KAT8: variants seen among roughly 807,000 people sequenced by gnomAD.
KAT8 encodes histone acetyltransferase KAT8.
In KAT8, 40 loss-of-function variants were observed where a neutral mutation model predicts 62.9. The observed-to-expected ratio is 0.64, with a 90% confidence interval of 0.49 to 0.83. The LOEUF is 0.83. Ranked by LOEUF, KAT8 falls within the 40% of genes least tolerant of loss-of-function variation. KAT8 has a pLI of 0.00. For missense variants in KAT8, 387 were observed against 614.8 expected (o/e 0.63, Z 3.92); for synonymous variants, 278 against 254.5 (o/e 1.09, Z -0.88).
rs758863838 is a variant in KAT8, at chr16:31,127,136, C to T, written c.516+48C>T. 21 of 1,613,770 alleles carry T rather than the reference C, an allele frequency of 1.3e-5. No individual in the cohort carries two copies. The Admixed American group carries it at 2.0e-4, about 15-fold the overall frequency. ...CTGCAGGTCCCCCGTCTCCCCTTGC[C>T]GAGGAGCCCCTGCTGAGCCGTGCAC... On this transcript the variant is annotated intron_variant, in intron 4 of 10. Transcript: ENST00000219797.
At chr16:31,124,098 G>A (rs1419725485) in intron 3 of KAT8, 2 of 152,230 alleles carry the variant, frequency 1.3e-5, no homozygotes, top group Admixed American at 1.3e-4. Flanking sequence ...TGCATTTGCA[G>A]AAGAGTACTG....
Position 31,123,703 on chromosome 16 carries a change from G to C in KAT8, c.462+3189G>C, listed in dbSNP as rs554415660. On this transcript the variant is annotated intron_variant, in intron 3 of 10. Transcript: ENST00000219797. ...TATTTTTTATTTTTAGTAGAGATGG[G>C]GTTTCGCCATGTTGGCCAGACTGGT... 6.6e-5 allele frequency: 10 copies of C among 151,530 alleles called. No homozygotes were observed. In the East Asian group the frequency reaches 1.6e-3, roughly 24 times the overall value. 9.4% of individuals were successfully genotyped at this position (151,530 alleles called of 1,614,324 possible).
intron 6 of KAT8, among the ~76,000 whole-genome samples, chr16:31,129,201 G>A (rs574730681): frequency 3.3e-5 from 5 of 152,294 alleles, no homozygotes; most frequent in South Asian, 4.1e-4. Context: ...TAATAAACAC[G>A]GGCCTTGTTA....
Position 31,124,731 on chromosome 16 carries a change from C to CAAAA in KAT8, c.463-2287_463-2284dup, listed in dbSNP as rs551229166. Among the ~76,000 whole-genome samples the CAAAA allele has an allele frequency of 4.9e-4, 30 of 61,070 alleles. No homozygotes were observed. In the East Asian group the frequency reaches 7.6e-3, roughly 15 times the overall value. The allele number at this position is 61,070 out of a possible 152,430, so 40.1% of individuals were successfully genotyped here. On this transcript the variant is annotated intron_variant, in intron 3 of 10. Coordinates refer to ENST00000219797, the MANE Select transcript of KAT8 (RefSeq NM_032188.3). ...TGGGCGACAGGGCGAGGCTCCATTT[C>CAAAA]AAAAAAAAAAAAAAAAAAAAGGCTA... is the stretch of plus-strand genomic sequence containing the variant.
At position 31,117,783 on chromosome 16, in the gene KAT8, C is replaced by T; in HGVS notation, c.102C>T (p.Thr34=). The change falls in exon 1 of 11, where the codon ACC becomes ACT. Residue 34 remains threonine (T), a synonymous_variant. Coordinates refer to ENST00000219797, the MANE Select transcript of KAT8 (RefSeq NM_032188.3). ...GPGENAAAEG[T]APSPGRVSPP... is the part of the protein sequence containing the mutation. ...GGGAGAATGCGGCCGCTGAGGGGAC[C>T]GCCCCATCCCCGGGCCGCGTCTCTC... 1 of 1,398,284 alleles carries T rather than the reference C, an allele frequency of 7.2e-7. No homozygotes were observed. Among genetic ancestry groups the T allele is most frequent in the Non-Finnish European group, 9.4e-7 (1 of 1,065,116 alleles). The allele number at this position is 1,398,284 out of a possible 1,614,324, so 86.6% of individuals were successfully genotyped here. A position where few individuals can be genotyped will look rare whatever the true frequency, so the allele number is the denominator to read the frequency against.
At chr16:31,129,261 C>G (rs1417707591) in intron 6 of KAT8, among the ~76,000 whole-genome samples, 1 of 152,182 alleles carries the variant, frequency 6.6e-6, no homozygotes, top group Non-Finnish European at 1.5e-5. Context: ...GGAGAATACG[C>G]AGGCTGAGCC....
At chr16:31,127,942 G>A (rs937080219) in intron 5 of KAT8, 108 bp from the exon 6 acceptor site, 3 of 775,110 alleles carry the variant, frequency 3.9e-6, no homozygotes, top group Middle Eastern at 2.3e-4. Flanking sequence ...AAGTGTTGAG[G>A]GGGGAAACAG....
Position 31,128,217 on chromosome 16 carries a change from G to T in KAT8, c.771+78G>T, listed in dbSNP as rs989024881. On this transcript the variant is annotated intron_variant, in intron 6 of 10. Coordinates refer to ENST00000219797, the MANE Select transcript of KAT8 (RefSeq NM_032188.3). ...CAGATGATCCTCATCACCACCAAAG[G>T]GGAGGGGGCAGCCTTAGCTGAGCCT... The T allele has an allele frequency of 2.6e-6, 3 of 1,140,198 alleles. No homozygotes were observed. In the African/African-American group the frequency reaches 4.6e-5, roughly 17 times the overall value. 70.6% of individuals were successfully genotyped at this position (1,140,198 alleles called of 1,614,324 possible).
chr16:31,130,803 G>T lies in KAT8; in HGVS notation c.1215G>T (p.Met405Ile). The change falls in exon 10 of 11, where the codon ATG (methionine) becomes ATT (isoleucine). Residue 405 changes from methionine to isoleucine, a missense_variant. By Grantham distance (10) the Met-to-Ile change is conservative (BLOSUM62 1). Around this residue, in one of 6 missense-constraint regions of KAT8, gnomAD observed 75 missense variants for 105.7 expected, o/e 0.71. Transcript: ENST00000219797. ...DIISTLQSLNMVKYWKGQHVI... is the reference protein window; with the variant it reads ...DIISTLQSLNIVKYWKGQHVI... ...TCAGTACCCTGCAATCCCTCAATAT[G>T]GTCAAGTACTGGAAGGGCCAGCACG... 1 of 1,614,068 alleles carries T rather than the reference G, an allele frequency of 6.2e-7. No homozygotes were observed. Among genetic ancestry groups the T allele is most frequent in the Non-Finnish European group, 8.5e-7 (1 of 1,180,008 alleles).
intron 5 of KAT8, among the ~76,000 whole-genome samples, chr16:31,127,846 ATG>A (rs1419662567): frequency 6.6e-6 from 1 of 152,154 alleles, no homozygotes; most frequent in Non-Finnish European, 1.5e-5. Context: ...GTGCTGTGTG[ATG>A]TTTGGATCTC....
At chr16:31,119,390 C>G (rs1596817169) in intron 1 of KAT8, among the ~76,000 whole-genome samples, 1 of 152,170 alleles carries the variant, frequency 6.6e-6, no homozygotes, top group East Asian at 1.9e-4. Flanking sequence ...CCTCGTGATT[C>G]ACCCACCTCG....
At chr16:31,128,728 C>G (rs1355811922) in intron 6 of KAT8, among the ~76,000 whole-genome samples, 1 of 152,210 alleles carries the variant, frequency 6.6e-6, no homozygotes, top group African/African-American at 2.4e-5. Flanking sequence ...TAGAAGTGCT[C>G]TCTCCTTCCG....
Position 31,131,234 on chromosome 16 carries a change from A to G in KAT8, c.1352A>G (p.Lys451Arg), listed in dbSNP as rs759925826. The change falls in exon 11 of 11, where the codon AAG becomes AGG. Residue 451 changes from lysine (K) to arginine (R), a missense_variant. Around this residue, in one of 6 missense-constraint regions of KAT8, gnomAD observed 75 missense variants for 105.7 expected, o/e 0.71. Coordinates refer to ENST00000219797, the MANE Select transcript of KAT8 (RefSeq NM_032188.3). Reference protein sequence around the residue: ...VCLKWAPPKHKQVKLSKK With the variant: ...VCLKWAPPKHRQVKLSKK ...CTCAAGTGGGCACCCCCCAAGCACA[A>G]GCAAGTCAAGCTCTCCAAGAAGTGA... 1 of 1,614,166 alleles carries G rather than the reference A, an allele frequency of 6.2e-7. No homozygotes were observed. Among genetic ancestry groups the G allele is most frequent in the Admixed American group, 1.7e-5 (1 of 60,026 alleles).
At chr16:31,122,998 A>G (rs934569405) in intron 3 of KAT8, among the ~76,000 whole-genome samples, 1 of 150,672 alleles carries the variant, frequency 6.6e-6, no homozygotes, top group Non-Finnish European at 1.5e-5. Context: ...CCTGGCCAAC[A>G]TGGCCAAAAC....
Position 31,131,283 on chromosome 16 carries a change from C to T in KAT8, c.*24C>T. On this transcript the variant is annotated 3_prime_UTR_variant, in exon 11 of 11. Coordinates refer to ENST00000219797, the MANE Select transcript of KAT8 (RefSeq NM_032188.3). ...GAGCAGCCTGGCCCCTGCTGTCGGA[C>T]CTGAGCCTCCTGGCTCCCAGCCTGT... 1 of 1,613,816 alleles carries T rather than the reference C, an allele frequency of 6.2e-7. No individual in the cohort carries two copies. Among genetic ancestry groups the T allele is most frequent in the Non-Finnish European group, 8.5e-7 (1 of 1,179,862 alleles).
At chr16:31,127,411 G>A in intron 5 of KAT8, 58 bp downstream of exon 5, 1 of 1,586,394 alleles carries the variant, frequency 6.3e-7, no homozygotes, top group Non-Finnish European at 8.6e-7. Context: ...GCAGAGGCAG[G>A]CATGGAGACT....
intron 5 of KAT8, 112 bp downstream of exon 5, chr16:31,127,465 A>T (rs967635770): frequency 7.2e-6 from 8 of 1,107,262 alleles, no homozygotes; most frequent in Non-Finnish European, 1.1e-5. Flanking sequence ...ACAGGCCCAA[A>T]GGAGCGAGTA....
chr16:31,129,342 G>A (rs2057555206), intron 6 of KAT8, among the ~76,000 whole-genome samples: 1 of 152,194 alleles, frequency 6.6e-6, no homozygotes, highest in Admixed American at 6.5e-5. Context: ...CGCTGGAGAT[G>A]TGGGGGTGCT....
intron 3 of KAT8, chr16:31,126,658 G>GCC: frequency 4.0e-6 from 1 of 248,580 alleles, no homozygotes; most frequent in South Asian, 4.7e-5. Flanking sequence ...CATCGGGGAG[G>GCC]TAGTAACAGT....
Sources: allele counts gnomAD v4.1 joint callset (sites outside exome capture counted in the v4.1 genomes callset), GRCh38; gene constraint gnomAD v4.1.1; regional missense constraint gnomAD v4.1.1; transcripts MANE v1.5; gene names NCBI Gene and HGNC (gene_info 2026-07-23, HGNC 2026-07-21).